Variants in ACTG2 observed in about 807,000 individuals in gnomAD.
ACTG2 encodes actin gamma 2, smooth muscle.
ACTG2 carries 16 observed loss-of-function variants against 37.6 expected under a neutral mutation model. That is an observed-to-expected ratio of 0.43 (90% CI 0.29 to 0.65). The LOEUF (loss-of-function observed/expected upper bound fraction) is 0.65. ACTG2 is among the 30% of genes least tolerant of loss of function. The pLI is 0.18. For missense variants in ACTG2, 238 were observed against 490.9 expected (o/e 0.48, Z 4.87); for synonymous variants, 181 against 179.9 (o/e 1.01, Z -0.05).
At chr2:73,894,497 T>C (rs1679699016) in intron 1 of ACTG2, among the ~76,000 whole-genome samples, 1 of 152,218 alleles carries the variant, frequency 6.6e-6, no homozygotes, top group Non-Finnish European at 1.5e-5. Flanking sequence ...TTGTTCATTC[T>C]GCCAACATTT....
intron 5 of ACTG2, among the ~76,000 whole-genome samples, chr2:73,911,279 G>T (rs969351251): frequency 6.6e-6 from 1 of 152,186 alleles, no homozygotes; most frequent in East Asian, 1.9e-4. Flanking sequence ...GGATCTCTTT[G>T]AGCTCAGGAG....
At chr2:73,916,481 A>C in intron 7 of ACTG2, 103 bp from the exon 8 acceptor site, 2 of 1,030,656 alleles carry the variant, frequency 1.9e-6, no homozygotes, top group Non-Finnish European at 2.8e-6. Flanking sequence ...TAAGGTTCTG[A>C]ACTAGGGTAG....
At chr2:73,911,591 G>A (rs771471865) in intron 5 of ACTG2, among the ~76,000 whole-genome samples, 3 of 152,218 alleles carry the variant, frequency 2.0e-5, no homozygotes, top group Non-Finnish European at 4.4e-5. Context: ...TGTATGTGCT[G>A]TACTTTTATA....
At chr2:73,908,029 A>G (rs1438612855) in intron 3 of ACTG2, among the ~76,000 whole-genome samples, 1 of 152,220 alleles carries the variant, frequency 6.6e-6, no homozygotes, top group South Asian at 2.1e-4. Context: ...GGGTTTTACA[A>G]CTGGTTAAAT....
intron 1 of ACTG2, among the ~76,000 whole-genome samples, chr2:73,900,696 A>G (rs1679854414): frequency 6.6e-6 from 1 of 152,216 alleles, no homozygotes; most frequent in South Asian, 2.1e-4. Flanking sequence ...ATTTTTAATT[A>G]TATAAACTAT....
chr2:73,899,125 G>A (rs971506505), intron 1 of ACTG2, among the ~76,000 whole-genome samples: 1 of 151,960 alleles, frequency 6.6e-6, no homozygotes, highest in Non-Finnish European at 1.5e-5. Flanking sequence ...AACTTTCACA[G>A]TTTGGTGATT....
intron 1 of ACTG2, among the ~76,000 whole-genome samples, chr2:73,900,612 G>A (rs1438247788): frequency 6.6e-6 from 1 of 152,090 alleles, no homozygotes; most frequent in African/African-American, 2.4e-5. Context: ...TCATCAAGGT[G>A]CTTCTACCCT....
At position 73,901,286 on chromosome 2, in the gene ACTG2, C is replaced by T; in HGVS notation, c.-26C>T. ...CCCGCAAATCCCAAGGTGCTCCAGTCCCCAGCTCACTCAGCCACACACACC... is the reference window on the plus strand; with the variant it reads ...CCCGCAAATCCCAAGGTGCTCCAGTTCCCAGCTCACTCAGCCACACACACC... On this transcript the variant is annotated 5_prime_UTR_variant, in exon 2 of 9. Coordinates refer to ENST00000345517, the MANE Select transcript of ACTG2 (RefSeq NM_001615.4). 6.4e-7 allele frequency: 1 copy of T among 1,550,714 alleles called. No homozygotes were observed. Among genetic ancestry groups the T allele is most frequent in the African/African-American group, 1.4e-5 (1 of 73,024 alleles).
chr2:73,901,582 CTGTGCGTGTGTGTGTG>C (rs1679882340), intron 2 of ACTG2, 145 bp downstream of exon 2: 4 of 52,854 alleles, frequency 7.6e-5, no homozygotes, highest in African/African-American at 5.0e-4. Flanking sequence ...GTGTGTGTGT[CTGTGCGTGTGTGTGTG>C]TGTGTGTCTG....
chr2:73,908,987 C>A (rs961889196), intron 4 of ACTG2, 68 bp from the exon 5 acceptor site: 2 of 1,482,736 alleles, frequency 1.3e-6, no homozygotes, highest in Admixed American at 1.7e-5. Flanking sequence ...AGATTACAAA[C>A]CATTCTACAG....
At chr2:73,917,425 A>G (rs987668767) in intron 8 of ACTG2, among the ~76,000 whole-genome samples, 22 of 152,194 alleles carry the variant, frequency 1.4e-4, no homozygotes, top group Admixed American at 1.2e-3. Context: ...CATCTTGGCC[A>G]TGCCCTTCCC....
At chr2:73,915,858 C>T (rs1324572445) in intron 7 of ACTG2, among the ~76,000 whole-genome samples, 1 of 152,054 alleles carries the variant, frequency 6.6e-6, no homozygotes, top group Non-Finnish European at 1.5e-5. Flanking sequence ...AAAGTGGATT[C>T]ACTGTTACCT....
chr2:73,915,537 AG>A (rs1680246017), intron 7 of ACTG2, among the ~76,000 whole-genome samples: 1 of 149,354 alleles, frequency 6.7e-6, no homozygotes, highest in African/African-American at 2.5e-5. Flanking sequence ...AAAAAAAAAA[AG>A]AGTAGAGGTA....
At chr2:73,909,186 G>C in intron 5 of ACTG2, 47 bp downstream of exon 5, 1 of 1,529,354 alleles carries the variant, frequency 6.5e-7, no homozygotes, top group Non-Finnish European at 9.1e-7. Context: ...AGGGGAGGTA[G>C]GGAAAAGCTG....
chr2:73,910,873 T>C (rs1253896122), intron 5 of ACTG2, among the ~76,000 whole-genome samples: 1 of 152,082 alleles, frequency 6.6e-6, no homozygotes, highest in Non-Finnish European at 1.5e-5. Flanking sequence ...AAAAATAGTT[T>C]CATTTATATC....
chr2:73,904,248 C>CAAAAAAAAA (rs61261289), intron 3 of ACTG2, among the ~76,000 whole-genome samples: 3 of 65,210 alleles, frequency 4.6e-5, no homozygotes, highest in Admixed American at 2.2e-4. Flanking sequence ...GACCATGTCT[C>CAAAAAAAAA]AAAAAAAAAA....
At position 73,901,485 on chromosome 2, in the gene ACTG2, G is replaced by A. The variant is rs781764684; in HGVS notation, c.126+48G>A. 2.7e-5 allele frequency: 44 copies of A among 1,603,382 alleles called. No individual in the cohort carries two copies. In the South Asian group the frequency reaches 4.8e-4, roughly 17 times the overall value. ...CCAGGCTTTGAGCCACTAGGAGTAA[G>A]CGCTGCACTGTGGAGACCCTGCTGA... is the stretch of plus-strand genomic sequence containing the variant. On this transcript the variant is annotated intron_variant, in intron 2 of 8. Coordinates refer to ENST00000345517, the MANE Select transcript of ACTG2 (RefSeq NM_001615.4).
At chr2:73,915,519 C>CA (rs11404848) in intron 7 of ACTG2, among the ~76,000 whole-genome samples, 70,848 of 117,372 alleles carry the variant, frequency 0.6, 21,783 homozygotes, top group Non-Finnish European at 0.72. Context: ...GATTCTGTCT[C>CA]AAAAAAAAAA....
Position 73,919,633 on chromosome 2 carries a change from C to T in ACTG2, c.*58C>T. The T allele has an allele frequency of 6.4e-7, 1 of 1,571,682 alleles. No homozygotes were observed. The highest frequency in any genetic ancestry group is 1.2e-5 in the South Asian group (1 of 86,108). On this transcript the variant is annotated 3_prime_UTR_variant, in exon 9 of 9. Transcript: ENST00000345517. ...GACTACTCTGTTACCAGTCATGAAACATTAAAACCTACAAGCCTTACTTCT... is the reference window on the plus strand; with the variant it reads ...GACTACTCTGTTACCAGTCATGAAATATTAAAACCTACAAGCCTTACTTCT...
Sources: allele counts gnomAD v4.1 joint callset (sites outside exome capture counted in the v4.1 genomes callset), GRCh38; gene constraint gnomAD v4.1.1; transcripts MANE v1.5; gene names NCBI Gene and HGNC (gene_info 2026-07-23, HGNC 2026-07-21).